BCAS3: variants seen among roughly 807,000 people sequenced by gnomAD.
The protein encoded by BCAS3 is BCAS3 microtubule associated cell migration factor, also known as BCAS4/BCAS3 fusion.
A neutral mutation model predicts 116.1 loss-of-function variants in BCAS3; 53 were observed. The observed-to-expected ratio is 0.46, with a 90% CI of 0.37 to 0.57. The LOEUF (loss-of-function observed/expected upper bound fraction) is 0.57, where lower values mean the gene tolerates loss of function less well. Among genes scored for constraint, BCAS3 ranks in the 20% least tolerant of loss-of-function variants. The probability of loss-of-function intolerance (pLI) is 0.00; values close to 1 mark genes in which losing one functional copy is unlikely to be tolerated. For missense variants in BCAS3, 917 were observed against 1,165.4 expected (o/e 0.79, Z 3.10); for synonymous variants, 391 against 408.2 (o/e 0.96, Z 0.51).
At chr17:61,274,281 ATT>A (rs780529516) in intron 22 of BCAS3, among the ~76,000 whole-genome samples, 8,267 of 95,888 alleles carry the variant, frequency 0.086, 310 homozygotes, top group African/African-American at 0.23. Flanking sequence ...AAATCTTTGA[ATT>A]TTTTTTTTTT....
Position 61,055,865 on chromosome 17 carries a change from T to C in BCAS3, c.2029+14973T>C, listed in dbSNP as rs145824308. 6.9e-3 allele frequency among the ~76,000 whole-genome samples: 1,054 copies of C among 152,344 alleles called. 6 individuals are homozygous for C. The highest frequency in any genetic ancestry group is 0.01 in the Non-Finnish European group (704 of 68,024). ...TTTCTAGAAATGATTTGCCTTCATC[T>C]CTGATTTTGCATTTCCTGATAGAGA... On this transcript the variant is annotated intron_variant, in intron 19 of 23. Coordinates refer to ENST00000407086, the MANE Select transcript of BCAS3 (RefSeq NM_017679.5).
chr17:61,307,171 T>G lies in BCAS3; in HGVS notation c.2426-61156T>G, dbSNP rs1449270068. Among the ~76,000 whole-genome samples the G allele has an allele frequency of 6.6e-6, 1 of 152,254 alleles. No individual in the cohort carries two copies. The highest frequency in any genetic ancestry group is 2.4e-5 in the African/African-American group (1 of 41,466). On this transcript the variant is annotated intron_variant, in intron 22 of 23. Transcript: ENST00000407086. This position sits in a 1 kb window ranked among gnomAD's most constrained non-coding sequence, Gnocchi z 4.7. ...GATTGAAGTGAAGAGCCTAGCCTAG[T>G]GCCGGCCCAAGTTGGGACTTGCTGA...
At chr17:61,102,166 G>A (rs1405317266) in intron 22 of BCAS3, among the ~76,000 whole-genome samples, 1 of 152,092 alleles carries the variant, frequency 6.6e-6, no homozygotes, top group Non-Finnish European at 1.5e-5. Context: ...TTATTTTGAG[G>A]TTGTGATCAT....
rs1172820672 is a variant in BCAS3 at position 61,065,075 on chromosome 17, T to C, written c.2030-9845T>C. Among the ~76,000 whole-genome samples the C allele has an allele frequency of 6.6e-6, 1 of 152,176 alleles. No homozygotes were observed. Among genetic ancestry groups the C allele is most frequent in the East Asian group, 1.9e-4 (1 of 5,200 alleles). ...GTGTGTTATTTTTAATCTGAAAGGGTTCTCCCTTTTTTTAGTCATTTAAAA... is the reference window on the plus strand; with the variant it reads ...GTGTGTTATTTTTAATCTGAAAGGGCTCTCCCTTTTTTTAGTCATTTAAAA... On this transcript the variant is annotated intron_variant, in intron 19 of 23. Coordinates refer to ENST00000407086, the MANE Select transcript of BCAS3 (RefSeq NM_017679.5). The surrounding 1 kb of genome is among the most constrained non-coding windows in gnomAD (Gnocchi z 4.8).
In BCAS3 at chr17:60,959,039, A is replaced by G. The variant is rs77592726; in HGVS notation, c.1221+11687A>G. Among the ~76,000 whole-genome samples the G allele has an allele frequency of 1.4e-3, 208 of 152,284 alleles. 1 individual carries two copies. The highest frequency in any genetic ancestry group is 4.8e-3 in the African/African-American group (198 of 41,536). On this transcript the variant is annotated intron_variant, in intron 14 of 23. Transcript: ENST00000407086. Reference sequence around the variant, plus strand: ...TTTTAAAATGTGACACCAAGGTTGGACACAGTTATAATTCCAGTACTTTGG... The same window carrying G: ...TTTTAAAATGTGACACCAAGGTTGGGCACAGTTATAATTCCAGTACTTTGG...
intron 14 of BCAS3, among the ~76,000 whole-genome samples, chr17:60,977,487 T>C (rs1172702694): frequency 6.6e-6 from 1 of 150,660 alleles, no homozygotes; most frequent in East Asian, 1.9e-4. Context: ...GGAAGCACTT[T>C]CTTTTTATTA....
chr17:60,810,279 C>A (rs1379760057), intron 7 of BCAS3: 2 of 451,116 alleles, frequency 4.4e-6, no homozygotes, highest in Non-Finnish European at 8.7e-6. Context: ...TCTGTGCAGG[C>A]ACCAGGGGCT....
chr17:61,055,472 A>G (rs970961702), intron 19 of BCAS3, among the ~76,000 whole-genome samples: 2 of 152,178 alleles, frequency 1.3e-5, no homozygotes, highest in African/African-American at 4.8e-5. Flanking sequence ...GGGGCTATGG[A>G]TAGACCCTTT....
intron 7 of BCAS3, among the ~76,000 whole-genome samples, chr17:60,828,372 G>T (rs1429306063): frequency 6.6e-6 from 1 of 152,136 alleles, no homozygotes; most frequent in Non-Finnish European, 1.5e-5. Flanking sequence ...CAGTTTCTAC[G>T]TCAAGTATTT....
At chr17:61,374,527 G>A (rs975769907) in intron 23 of BCAS3, among the ~76,000 whole-genome samples, 4 of 152,154 alleles carry the variant, frequency 2.6e-5, no homozygotes, top group African/African-American at 9.7e-5. Context: ...GAGACTGTCT[G>A]TTCCCCGTGA....
At chr17:60,930,215 C>T (rs2059574461) in intron 13 of BCAS3, among the ~76,000 whole-genome samples, 2 of 152,006 alleles carry the variant, frequency 1.3e-5, no homozygotes, top group Admixed American at 1.3e-4. Flanking sequence ...AGTTTTAACC[C>T]TCTAATAATT....
intron 19 of BCAS3, chr17:61,069,946 A>G: frequency 6.4e-7 from 1 of 1,566,542 alleles, no homozygotes; most frequent in South Asian, 1.1e-5. Context: ...AAAGGCCAAG[A>G]AGGCAGTGTT....
Position 61,186,722 on chromosome 17 carries a change from T to A in BCAS3, c.2425+102158T>A, listed in dbSNP as rs1002260982. Among the ~76,000 whole-genome samples the A allele has an allele frequency of 3.3e-5, 5 of 152,168 alleles. No homozygotes were observed. Among genetic ancestry groups the A allele is most frequent in the African/African-American group, 1.2e-4 (5 of 41,448 alleles). On this transcript the variant is annotated intron_variant, in intron 22 of 23. Transcript: ENST00000407086. The surrounding 1 kb of genome is among the most constrained non-coding windows in gnomAD (Gnocchi z 4.9). Reference sequence around the variant, plus strand: ...GCCACCAATATTAACAGTTGTTTTTTTTTTTTGAGACGGAGTCTCGCTCTG... The same window carrying A: ...GCCACCAATATTAACAGTTGTTTTTATTTTTTGAGACGGAGTCTCGCTCTG...
chr17:60,694,336 A>G (rs1446417813), intron 4 of BCAS3, among the ~76,000 whole-genome samples: 1 of 151,894 alleles, frequency 6.6e-6, no homozygotes, highest in Non-Finnish European at 1.5e-5. Context: ...CCCCATCTTT[A>G]CTAAAAAAAC....
At chr17:61,069,856 G>T in intron 19 of BCAS3, 355 of 561,256 alleles carry the variant, frequency 6.3e-4, no homozygotes, top group Non-Finnish European at 9.7e-4. Flanking sequence ...AAAAAAAAAA[G>T]ACCCTTTTCA....
At chr17:61,070,399 A>ATATATATATATATATTT (rs1423455439) in intron 19 of BCAS3, 2 of 186,490 alleles carry the variant, frequency 1.1e-5, no homozygotes, top group Non-Finnish European at 2.0e-5. Flanking sequence ...ATATATATAT[A>ATATATATATATATATTT]TCTTTTCACC....
rs76745854 is a variant in BCAS3 at position 61,237,865 on chromosome 17, G to A, written c.2426-130462G>A. On this transcript the variant is annotated intron_variant, in intron 22 of 23. Coordinates refer to ENST00000407086, the MANE Select transcript of BCAS3 (RefSeq NM_017679.5). ...TATGATCATAATGCAAAATAGATTAGCCATATTTTTATATGGAGGCAGGAA... is the reference window on the plus strand; with the variant it reads ...TATGATCATAATGCAAAATAGATTAACCATATTTTTATATGGAGGCAGGAA... Among the ~76,000 whole-genome samples, 235 of 152,172 alleles carry A rather than the reference G, an allele frequency of 1.5e-3. 3 individuals are homozygous for A. In the East Asian group the frequency reaches 0.04, roughly 26 times the overall value.
rs1011888344 is a variant in BCAS3 at position 61,361,629 on chromosome 17, C to CT, written c.2426-6697dup. The CT allele has an allele frequency of 2.0e-5, 3 of 152,074 alleles. No individual in the cohort carries two copies. The highest frequency in any genetic ancestry group is 7.2e-5 in the African/African-American group (3 of 41,494). 9.4% of individuals were successfully genotyped at this position (152,074 alleles called of 1,614,324 possible). On this transcript the variant is annotated intron_variant, in intron 22 of 23. Coordinates refer to ENST00000407086, the MANE Select transcript of BCAS3 (RefSeq NM_017679.5). This position sits in a 1 kb window ranked among gnomAD's most constrained non-coding sequence, Gnocchi z 6.5. ...GGCTAATTATATGAGCCAGGGTTCT[C>CT]TAAGGAAACAACTAATAAAAGAGAT...
chr17:61,386,430 A>G (rs2059853702), intron 23 of BCAS3, among the ~76,000 whole-genome samples: 1 of 152,238 alleles, frequency 6.6e-6, no homozygotes, highest in African/African-American at 2.4e-5. Context: ...TACTCCCACC[A>G]GTCAGCGTGG....
Sources: gnomAD v4.1 joint callset for allele counts (sites outside exome capture counted in the v4.1 genomes callset) on GRCh38, gnomAD v4.1.1 for gene constraint, Gnocchi (gnomAD v3.1) non-coding constraint, MANE v1.5 for transcripts, NCBI Gene and HGNC (gene_info 2026-07-23, HGNC 2026-07-21) for gene names.